Variants in MAGI2 observed in about 807,000 individuals in gnomAD.
The protein encoded by MAGI2 is membrane-associated guanylate kinase, WW and PDZ domain-containing protein 2.
In MAGI2, 35 loss-of-function variants were observed where a neutral mutation model predicts 133.3. That is an observed-to-expected ratio of 0.26 (90% CI 0.20 to 0.35). The LOEUF (loss-of-function observed/expected upper bound fraction) is 0.35. Among genes scored for constraint, MAGI2 ranks in the 10% least tolerant of loss-of-function variants. MAGI2 has a pLI of 1.00. For synonymous variants in MAGI2, 729 were observed against 710.6 expected, an observed-to-expected ratio of 1.03 and a Z score of -0.41; for missense variants, 1,636 against 1,863.4, an observed-to-expected ratio of 0.88 and a Z score of 2.25.
intron 2 of MAGI2, among the ~76,000 whole-genome samples, chr7:78,686,056 C>T (rs1461977641): frequency 6.8e-6 from 1 of 146,956 alleles, no homozygotes; most frequent in Non-Finnish European, 1.5e-5. Context: ...GGAAGGTGTG[C>T]TTTTGCTTAT....
At chr7:78,050,849 G>A (rs1303544979) in intron 21 of MAGI2, among the ~76,000 whole-genome samples, 1 of 152,196 alleles carries the variant, frequency 6.6e-6, no homozygotes, top group Non-Finnish European at 1.5e-5. Context: ...ACCAGGAAGA[G>A]TGATAACTAA....
chr7:78,765,197 C>A (rs1824888558), intron 2 of MAGI2, among the ~76,000 whole-genome samples: 1 of 152,142 alleles, frequency 6.6e-6, no homozygotes, highest in Non-Finnish European at 1.5e-5. Flanking sequence ...GTGTATCCAC[C>A]TATTAGGTTT....
intron 2 of MAGI2, among the ~76,000 whole-genome samples, chr7:78,701,114 A>G (rs114435396): frequency 0.014 from 2,187 of 151,878 alleles, 60 homozygotes; most frequent in African/African-American, 0.05. Context: ...CAGTTTTTCC[A>G]TTATAAAAAT....
intron 9 of MAGI2, among the ~76,000 whole-genome samples, chr7:78,314,244 T>C (rs1787176349): frequency 6.6e-6 from 1 of 152,220 alleles, no homozygotes; most frequent in African/African-American, 2.4e-5. Context: ...ATATATTTTA[T>C]ATGATATACT....
At chr7:78,946,677 T>C (rs1447934066) in intron 2 of MAGI2, 1 of 152,196 alleles carries the variant, frequency 6.6e-6, no homozygotes, top group Non-Finnish European at 1.5e-5. Context: ...TATGTTTATT[T>C]CCTGAAAAAT....
intron 13 of MAGI2, among the ~76,000 whole-genome samples, chr7:78,178,577 T>C (rs1826884865): frequency 8.9e-6 from 1 of 112,178 alleles, no homozygotes; most frequent in African/African-American, 3.0e-5. Flanking sequence ...GCATCCAGTT[T>C]AGGAGTGTGT....
intron 6 of MAGI2, among the ~76,000 whole-genome samples, chr7:78,406,458 C>G (rs2151362917): frequency 6.6e-6 from 1 of 151,968 alleles, no homozygotes; most frequent in South Asian, 2.1e-4. Context: ...TTTGGACTAA[C>G]AAAACATAGC....
At chr7:78,222,636 T>C (rs1788944427) in intron 10 of MAGI2, among the ~76,000 whole-genome samples, 1 of 152,184 alleles carries the variant, frequency 6.6e-6, no homozygotes, top group African/African-American at 2.4e-5. Flanking sequence ...ACAGTAGGGT[T>C]TGAAAATGGC....
intron 1 of MAGI2, among the ~76,000 whole-genome samples, chr7:79,101,107 T>C (rs564046441): frequency 2.0e-5 from 3 of 152,068 alleles, no homozygotes; most frequent in Admixed American, 6.5e-5. Flanking sequence ...TTAATTAATA[T>C]TTTTCTTTAC....
intron 1 of MAGI2, among the ~76,000 whole-genome samples, chr7:79,080,698 A>C (rs74836684): frequency 0.021 from 3,213 of 152,092 alleles, 119 homozygotes; most frequent in African/African-American, 0.074. Context: ...CGTCGCTATT[A>C]CATAAGACAG....
chr7:78,404,332 T>C (rs563677847), intron 6 of MAGI2, among the ~76,000 whole-genome samples: 1 of 152,270 alleles, frequency 6.6e-6, no homozygotes, highest in South Asian at 2.1e-4. Context: ...AGAGTTCATA[T>C]GGAAGCAAAA....
chr7:78,596,370 A>G (rs912558714), intron 3 of MAGI2, among the ~76,000 whole-genome samples: 7 of 152,168 alleles, frequency 4.6e-5, no homozygotes, highest in Non-Finnish European at 8.8e-5. Context: ...CCAGTGGTAG[A>G]TGCTGGGGCA....
chr7:78,251,772 A>G (rs1033364180), intron 10 of MAGI2: 1 of 152,182 alleles, frequency 6.6e-6, no homozygotes, highest in South Asian at 2.1e-4. Flanking sequence ...AATGTTGGCA[A>G]TTTTCCACAA....
chr7:78,362,251 G>A (rs1792899285), intron 7 of MAGI2, among the ~76,000 whole-genome samples: 1 of 152,086 alleles, frequency 6.6e-6, no homozygotes, highest in Non-Finnish European at 1.5e-5. Context: ...GCAGTAAGCC[G>A]AGATTGCACC....
intron 2 of MAGI2, among the ~76,000 whole-genome samples, chr7:78,689,682 C>CTTTTT (rs200333526): frequency 2.0e-3 from 187 of 92,044 alleles, no homozygotes; most frequent in African/African-American, 2.4e-3. Flanking sequence ...TTGGATCTGG[C>CTTTTT]TTTTTTTTTT....
intron 1 of MAGI2, among the ~76,000 whole-genome samples, chr7:79,052,919 T>G (rs181726003): frequency 3.3e-5 from 5 of 152,282 alleles, no homozygotes; most frequent in African/African-American, 1.2e-4. Flanking sequence ...ATCTTTAATA[T>G]AGTTGAAATG....
intron 21 of MAGI2, among the ~76,000 whole-genome samples, chr7:78,057,977 G>GTGTGTATA (rs762943472): frequency 9.4e-6 from 1 of 106,612 alleles, no homozygotes; most frequent in African/African-American, 3.4e-5. Context: ...ATATATATGT[G>GTGTGTATA]TATATATATA....
At chr7:79,342,759 GT>G (rs1259380498) in intron 1 of MAGI2, among the ~76,000 whole-genome samples, 1 of 151,846 alleles carries the variant, frequency 6.6e-6, no homozygotes, top group Non-Finnish European at 1.5e-5. Flanking sequence ...TTATTTGTTT[GT>G]TTATTTATTT....
chr7:79,105,391 G>A (rs911315923), intron 1 of MAGI2, among the ~76,000 whole-genome samples: 1 of 152,092 alleles, frequency 6.6e-6, no homozygotes, highest in African/African-American at 2.4e-5. Context: ...AACTGAGATC[G>A]CTACTGAGCA....
Sources: gnomAD v4.1 joint callset for allele counts (sites outside exome capture counted in the v4.1 genomes callset) on GRCh38, gnomAD v4.1.1 for gene constraint, MANE v1.5 for transcripts, NCBI Gene and HGNC (gene_info 2026-07-23, HGNC 2026-07-21) for gene names.